The following MEF2D variants were observed in gnomAD, a reference collection of about 807,000 sequenced individuals.
MEF2D encodes the protein myocyte enhancer factor 2D.
Under a neutral mutation model 59.3 loss-of-function variants are expected in MEF2D, and 10 were observed. The ratio of observed to expected loss-of-function variants is 0.17; its 90% CI spans 0.10 to 0.29. The LOEUF (loss-of-function observed/expected upper bound fraction) is 0.29. Ranked by LOEUF, MEF2D falls within the 10% of genes least tolerant of loss-of-function variation. The probability of loss-of-function intolerance (pLI) is 1.00; values close to 1 mark genes in which losing one functional copy is unlikely to be tolerated. For synonymous variants in MEF2D, 305 were observed against 295.0 expected (o/e 1.03, Z -0.35); for missense variants, 508 against 699.4 (o/e 0.73, Z 3.09).
At chr1:156,489,656 C>T (rs1434330234) in intron 1 of MEF2D, among the ~76,000 whole-genome samples, 1 of 152,098 alleles carries the variant, frequency 6.6e-6, no homozygotes, top group Non-Finnish European at 1.5e-5. Flanking sequence ...ACCATCCCTG[C>T]CCTCTGAGAA....
intron 9 of MEF2D, among the ~76,000 whole-genome samples, chr1:156,471,036 G>A (rs756357468): frequency 1.3e-5 from 2 of 152,102 alleles, no homozygotes; most frequent in Admixed American, 6.6e-5. Context: ...GGGCAGAAAC[G>A]GGCCCTAGGA....
intron 1 of MEF2D, among the ~76,000 whole-genome samples, chr1:156,485,425 G>T (rs1045920701): frequency 2.8e-4 from 43 of 152,054 alleles, no homozygotes; most frequent in Non-Finnish European, 8.8e-5. Context: ...CTGCTCCCCA[G>T]CCTAGCTGGA....
intron 6 of MEF2D, among the ~76,000 whole-genome samples, chr1:156,478,772 C>A (rs368519603): frequency 6.6e-6 from 1 of 152,252 alleles, no homozygotes; most frequent in South Asian, 2.1e-4. Flanking sequence ...TCAGGTGATC[C>A]GCCCATCTCA....
chr1:156,493,832 C>A (rs1348332226), intron 1 of MEF2D, among the ~76,000 whole-genome samples: 1 of 152,076 alleles, frequency 6.6e-6, no homozygotes, highest in Non-Finnish European at 1.5e-5. Context: ...GGGCCCCACC[C>A]CTCAGAACAG....
intron 1 of MEF2D, among the ~76,000 whole-genome samples, chr1:156,490,912 C>T (rs539083979): frequency 6.6e-6 from 1 of 152,216 alleles, no homozygotes; most frequent in Non-Finnish European, 1.5e-5. Flanking sequence ...CTTCCTGTAG[C>T]AGCTGTGAGG....
rs565977088 is a variant in MEF2D, at chr1:156,475,654, C to T, written c.877-417G>A. Among the ~76,000 whole-genome samples, 7 of 152,312 alleles carry T rather than the reference C, an allele frequency of 4.6e-5. No individual in the cohort carries two copies. In the East Asian group the frequency reaches 7.7e-4, roughly 17 times the overall value. On this transcript the variant is annotated intron_variant, in intron 8 of 11. Coordinates refer to ENST00000348159, the MANE Select transcript of MEF2D (RefSeq NM_005920.4). ...TCTGCGAGGGGAATGTGGGGCCTGG[C>T]GTGGCGTGTGCCTGCGCGTATGCAC...
rs1671830120 is a variant in MEF2D at position 156,479,353 on chromosome 1, GA to G, written c.608-8del. 6.2e-7 allele frequency: 1 copy of G among 1,611,330 alleles called. No homozygotes were observed. Among genetic ancestry groups the G allele is most frequent in the Admixed American group, 1.7e-5 (1 of 59,420 alleles). ...TCACCCCCCAGCATGGCCCCTGGAG[GA>G]AAAACAGAACCAGGATGAGCTGACA... On this transcript the variant is annotated splice_region_variant and splice_polypyrimidine_tract_variant and intron_variant, in intron 5 of 11. Coordinates refer to ENST00000348159, the MANE Select transcript of MEF2D (RefSeq NM_005920.4).
At chr1:156,500,422 C>G (rs1000539968) in intron 1 of MEF2D, 64 bp downstream of exon 1, 1 of 152,338 alleles carries the variant, frequency 6.6e-6, no homozygotes, top group Non-Finnish European at 1.5e-5. Context: ...TCCACCCCAA[C>G]CCCTGGACCG....
At chr1:156,491,384 C>A (rs911670361) in intron 1 of MEF2D, among the ~76,000 whole-genome samples, 1 of 152,168 alleles carries the variant, frequency 6.6e-6, no homozygotes, top group East Asian at 1.9e-4. Flanking sequence ...GTGTAAGTCA[C>A]GGAGAGGAAC....
intron 3 of MEF2D, 150 bp downstream of exon 3, chr1:156,482,287 T>C (rs1557887634): frequency 1.2e-6 from 1 of 807,946 alleles, no homozygotes; most frequent in Admixed American, 2.1e-5. Flanking sequence ...GAAGGAGGGT[T>C]TGCATGTGTG....
At chr1:156,498,217 C>T (rs1243001533) in intron 1 of MEF2D, among the ~76,000 whole-genome samples, 2 of 151,954 alleles carry the variant, frequency 1.3e-5, no homozygotes, top group East Asian at 3.9e-4. Flanking sequence ...GGGGGCAGAG[C>T]CAGGATGCCC....
intron 1 of MEF2D, among the ~76,000 whole-genome samples, chr1:156,496,686 C>T (rs1015883222): frequency 1.3e-5 from 2 of 152,196 alleles, no homozygotes. Flanking sequence ...TTCACTACCC[C>T]CCACCTCCCG....
chr1:156,481,018 C>G lies in MEF2D; in HGVS notation c.259-47G>C, dbSNP rs759460021. On this transcript the variant is annotated intron_variant, in intron 3 of 11. Coordinates refer to ENST00000348159, the MANE Select transcript of MEF2D (RefSeq NM_005920.4). ...CAGCTGGGTGAGAGTCCTTCCCGCC[C>G]GCCTCGCTGGAGTTCCTTCCAGCCC... The G allele has an allele frequency of 9.9e-6, 16 of 1,608,344 alleles. No individual in the cohort carries two copies. In the South Asian group the frequency reaches 1.5e-4, roughly 16 times the overall value.
intron 9 of MEF2D, 105 bp from the exon 10 acceptor site, chr1:156,469,125 T>G (rs1671066588): frequency 1.4e-6 from 2 of 1,428,130 alleles, no homozygotes; most frequent in Non-Finnish European, 1.9e-6. Flanking sequence ...GGACAGGGAG[T>G]GTGTAATGAC....
chr1:156,471,418 C>T (rs1001185142), intron 9 of MEF2D, among the ~76,000 whole-genome samples: 1 of 152,158 alleles, frequency 6.6e-6, no homozygotes, highest in Non-Finnish European at 1.5e-5. Flanking sequence ...TGTGAGCCAC[C>T]GCGCCCGGCC....
chr1:156,479,817 G>GCA (rs1289405949), intron 4 of MEF2D, 21 bp from the exon 5 acceptor site: 6 of 1,549,896 alleles, frequency 3.9e-6, no homozygotes, highest in Non-Finnish European at 5.2e-6. Flanking sequence ...AGATGGAGGG[G>GCA]CAGGATCAGG....
At position 156,483,170 on chromosome 1, in the gene MEF2D, T is replaced by C. The variant is rs113977733; in HGVS notation, c.54+69A>G. On this transcript the variant is annotated intron_variant, in intron 2 of 11. Coordinates refer to ENST00000348159, the MANE Select transcript of MEF2D (RefSeq NM_005920.4). ...TTCCACAAAGCCCTCTTGGAATGCCTGAAGGGAGTAGAGGCAGAGGCCTGC... is the reference window on the plus strand; with the variant it reads ...TTCCACAAAGCCCTCTTGGAATGCCCGAAGGGAGTAGAGGCAGAGGCCTGC... 1,502 of 1,506,010 alleles carry C rather than the reference T, an allele frequency of 1.0e-3. 16 individuals carry two copies. In the African/African-American group the frequency reaches 0.019, roughly 19 times the overall value. The allele number at this position is 1,506,010 out of a possible 1,614,324, so 93.3% of individuals were successfully genotyped here.
chr1:156,495,618 G>A (rs1673085134), intron 1 of MEF2D, among the ~76,000 whole-genome samples: 1 of 151,762 alleles, frequency 6.6e-6, no homozygotes, highest in African/African-American at 2.4e-5. Flanking sequence ...GAGCCATGAT[G>A]GCACCACTGC....
chr1:156,468,251 G>C lies in MEF2D; in HGVS notation c.1296C>G (p.Thr432=). The C allele has an allele frequency of 6.3e-7, 1 of 1,591,298 alleles. No individual in the cohort carries two copies. Among genetic ancestry groups the C allele is most frequent in the South Asian group, 1.1e-5 (1 of 87,694 alleles). Residue 432 remains threonine, a synonymous_variant, in exon 11 of 12, where the codon ACC becomes ACG. Transcript: ENST00000348159. The surrounding 1 kb of genome is among the most constrained non-coding windows in gnomAD (Gnocchi z 4.3). ...PHVGAALTVT[T]HPHISIKSEP... ...CTGACTTGATGCTGATGTGGGGGTG[G>C]GTGGTGACTGTGAGGGCAGCACCCA...
Sources: allele counts gnomAD v4.1 joint callset (sites outside exome capture counted in the v4.1 genomes callset), GRCh38; gene constraint gnomAD v4.1.1; non-coding constraint Gnocchi (gnomAD v3.1); transcripts MANE v1.5; gene names NCBI Gene and HGNC (gene_info 2026-07-23, HGNC 2026-07-21).